The following DPP10 variants were observed in gnomAD, a reference collection of about 807,000 sequenced individuals.
DPP10 encodes inactive dipeptidyl peptidase 10.
DPP10 carries 33 observed loss-of-function variants against 120.9 expected under a neutral mutation model. The ratio of observed to expected loss-of-function variants is 0.27; its 90% CI spans 0.21 to 0.37. The LOEUF (loss-of-function observed/expected upper bound fraction) is 0.37. Among genes scored for constraint, DPP10 ranks in the 10% least tolerant of loss-of-function variants. DPP10 has a pLI of 1.00. For missense variants in DPP10, 816 were observed against 942.8 expected (o/e 0.87, Z 1.76); for synonymous variants, 337 against 326.1 (o/e 1.03, Z -0.36).
intron 1 of DPP10, among the ~76,000 whole-genome samples, chr2:115,198,556 A>G (rs1422589254): frequency 6.6e-6 from 1 of 152,106 alleles, no homozygotes. Flanking sequence ...CTTCTCTCAG[A>G]TTTCTTCATG....
intron 1 of DPP10, among the ~76,000 whole-genome samples, chr2:114,773,780 A>G (rs1021392507): frequency 6.6e-6 from 1 of 152,176 alleles, no homozygotes; most frequent in Non-Finnish European, 1.5e-5. Flanking sequence ...TAGATCTAAA[A>G]TATATTAAAA....
intron 1 of DPP10, among the ~76,000 whole-genome samples, chr2:114,736,471 G>A (rs1357526985): frequency 1.3e-5 from 2 of 152,066 alleles, no homozygotes; most frequent in Non-Finnish European, 2.9e-5. Context: ...GATTAGTCAA[G>A]TAAACATATT....
intron 4 of DPP10, among the ~76,000 whole-genome samples, chr2:115,510,029 C>A (rs955150092): frequency 6.6e-6 from 1 of 152,020 alleles, no homozygotes; most frequent in South Asian, 2.1e-4. Flanking sequence ...TGTTCAAATT[C>A]TTTGCCCATT....
chr2:115,265,206 C>G (rs1574222127), intron 1 of DPP10, among the ~76,000 whole-genome samples: 2 of 151,426 alleles, frequency 1.3e-5, no homozygotes, highest in African/African-American at 2.4e-5. Flanking sequence ...CCCATTTCTC[C>G]CATTCAATAT....
chr2:114,458,268 T>C (rs910009257), intron 1 of DPP10, among the ~76,000 whole-genome samples: 2 of 152,160 alleles, frequency 1.3e-5, no homozygotes, highest in African/African-American at 4.8e-5. Context: ...TGCTTGGCAA[T>C]CTTCAAATTC....
At chr2:115,288,675 T>A (rs1267115733) in intron 1 of DPP10, among the ~76,000 whole-genome samples, 2 of 152,016 alleles carry the variant, frequency 1.3e-5, no homozygotes, top group Non-Finnish European at 2.9e-5. Context: ...TGAGCTGAGA[T>A]CATGCCACTG....
At chr2:115,097,335 T>A (rs1238821262) in intron 1 of DPP10, among the ~76,000 whole-genome samples, 1 of 152,216 alleles carries the variant, frequency 6.6e-6, no homozygotes, top group Non-Finnish European at 1.5e-5. Flanking sequence ...CCAAATCTGA[T>A]TCTGTATTGA....
chr2:115,282,229 T>C (rs942406061), intron 1 of DPP10, among the ~76,000 whole-genome samples: 1 of 152,090 alleles, frequency 6.6e-6, no homozygotes, highest in Non-Finnish European at 1.5e-5. Context: ...TATTACATAA[T>C]AGTTATGTCT....
intron 4 of DPP10, among the ~76,000 whole-genome samples, chr2:115,499,865 T>C (rs375478365): frequency 3.3e-5 from 5 of 151,988 alleles, no homozygotes; most frequent in Non-Finnish European, 7.4e-5. Context: ...AGAATAATTT[T>C]CCCAATATTT....
At chr2:114,678,330 G>A (rs1405588567) in intron 1 of DPP10, among the ~76,000 whole-genome samples, 2 of 151,886 alleles carry the variant, frequency 1.3e-5, no homozygotes, top group Non-Finnish European at 2.9e-5. Flanking sequence ...GCTATTGTTT[G>A]ATTTTCCCTA....
At chr2:115,037,732 C>T (rs1704327726) in intron 1 of DPP10, among the ~76,000 whole-genome samples, 2 of 152,212 alleles carry the variant, frequency 1.3e-5, no homozygotes, top group African/African-American at 4.8e-5. Flanking sequence ...GATCTAACTG[C>T]TTTGCTCCAC....
chr2:114,784,221 T>G (rs1682576744), intron 1 of DPP10, among the ~76,000 whole-genome samples: 2 of 152,084 alleles, frequency 1.3e-5, no homozygotes, highest in Non-Finnish European at 2.9e-5. Context: ...TCCCATTCAT[T>G]TTTGACTCCC....
intron 1 of DPP10, among the ~76,000 whole-genome samples, chr2:115,220,360 G>A (rs1407359601): frequency 6.6e-6 from 1 of 152,022 alleles, no homozygotes; most frequent in African/African-American, 2.4e-5. Flanking sequence ...TAGTTACCTC[G>A]TGTAGATCTT....
chr2:115,088,156 T>G (rs1178885253), intron 1 of DPP10, among the ~76,000 whole-genome samples: 2 of 152,148 alleles, frequency 1.3e-5, no homozygotes, highest in Non-Finnish European at 2.9e-5. Context: ...ATCCCATTCA[T>G]GAGGGCTCCA....
intron 2 of DPP10, among the ~76,000 whole-genome samples, chr2:115,330,851 T>A (rs1459441759): frequency 3.3e-5 from 5 of 152,076 alleles, no homozygotes; most frequent in African/African-American, 9.7e-5. Context: ...GTTTGAAGTC[T>A]GGTAGCATGA....
intron 1 of DPP10, among the ~76,000 whole-genome samples, chr2:114,507,249 G>A (rs575003271): frequency 5.9e-5 from 9 of 151,962 alleles, no homozygotes; most frequent in African/African-American, 2.2e-4. Flanking sequence ...GAGTTTTACC[G>A]TGTTGTCCCG....
At chr2:115,502,483 C>G (rs1168435800) in intron 4 of DPP10, among the ~76,000 whole-genome samples, 1 of 152,080 alleles carries the variant, frequency 6.6e-6, no homozygotes, top group African/African-American at 2.4e-5. Context: ...AACAAAAGCT[C>G]AGTCACAATG....
At chr2:115,091,031 C>G (rs2104559235) in intron 1 of DPP10, among the ~76,000 whole-genome samples, 1 of 152,268 alleles carries the variant, frequency 6.6e-6, no homozygotes, top group East Asian at 1.9e-4. Context: ...GATGGCAATG[C>G]TCCTGCTCTG....
intron 3 of DPP10, among the ~76,000 whole-genome samples, chr2:115,456,071 G>T (rs1169023956): frequency 6.6e-6 from 1 of 152,018 alleles, no homozygotes; most frequent in Non-Finnish European, 1.5e-5. Flanking sequence ...CTATCCATCT[G>T]ACAAAGGGCT....
Sources: allele counts gnomAD v4.1 joint callset (sites outside exome capture counted in the v4.1 genomes callset), GRCh38; gene constraint gnomAD v4.1.1; transcripts MANE v1.5; gene names NCBI Gene and HGNC (gene_info 2026-07-23, HGNC 2026-07-21).